TRPC6: variants seen among roughly 807,000 people sequenced by gnomAD.
TRPC6 encodes the protein transient receptor potential cation channel subfamily C member 6.
A neutral mutation model predicts 90.7 loss-of-function variants in TRPC6; 55 were observed. The observed-to-expected ratio is 0.61, with a 90% confidence interval of 0.49 to 0.76. The LOEUF (loss-of-function observed/expected upper bound fraction) is 0.76. Among genes scored for constraint, TRPC6 ranks in the 30% least tolerant of loss-of-function variants. The pLI, the probability that TRPC6 is intolerant of heterozygous loss-of-function variation, is 0.00. For synonymous variants in TRPC6, 393 were observed against 393.0 expected, an observed-to-expected ratio of 1.00 and a Z score of 0.00; for missense variants, 989 against 1,122.7, an observed-to-expected ratio of 0.88 and a Z score of 1.70.
intron 1 of TRPC6, among the ~76,000 whole-genome samples, chr11:101,545,193 T>C (rs1187802219): frequency 2.1e-5 from 3 of 144,342 alleles, no homozygotes; most frequent in African/African-American, 5.1e-5. Flanking sequence ...CAATTGTGGA[T>C]CAAAAATATT....
chr11:101,518,138 G>A (rs1483812750), intron 1 of TRPC6, among the ~76,000 whole-genome samples: 1 of 152,088 alleles, frequency 6.6e-6, no homozygotes, highest in Non-Finnish European at 1.5e-5. Context: ...CCAGATTTTT[G>A]CCACCATTTC....
At chr11:101,518,380 A>G (rs1028884806) in intron 1 of TRPC6, among the ~76,000 whole-genome samples, 2 of 152,220 alleles carry the variant, frequency 1.3e-5, no homozygotes, top group Non-Finnish European at 2.9e-5. Flanking sequence ...AAAAATAGGC[A>G]TAATATTTGA....
intron 1 of TRPC6, among the ~76,000 whole-genome samples, chr11:101,513,658 C>G (rs1860448971): frequency 6.6e-6 from 1 of 151,806 alleles, no homozygotes; most frequent in Non-Finnish European, 1.5e-5. Flanking sequence ...GCTTATTTTT[C>G]CCTTCTTTAA....
chr11:101,469,348 C>A (rs759251195), intron 10 of TRPC6, 79 bp downstream of exon 10: 2 of 706,384 alleles, frequency 2.8e-6, no homozygotes, highest in Non-Finnish European at 2.6e-6. Context: ...GCTAAAATTG[C>A]TTCTGAACAT....
chr11:101,527,925 T>C (rs1184013234), intron 1 of TRPC6, among the ~76,000 whole-genome samples: 2 of 151,982 alleles, frequency 1.3e-5, no homozygotes, highest in African/African-American at 4.8e-5. Flanking sequence ...TTAAAAAAAT[T>C]AGCTGGGCAT....
Position 101,471,254 on chromosome 11 carries a change from GCTTCAGTAAGAGATAAAACAGGGA to G in TRPC6, c.2314_2337del (p.Ser772_Lys779del). On this transcript the variant is annotated inframe_deletion, in exon 9 of 13. Transcript: ENST00000344327. ...AACAGCTCAGAAATCCATTTTTTAA[GCTTCAGTAAGAGATAAAACAGGGA>G]CTTTGGACTCGGCACCAGATTGAAG... is the stretch of plus-strand genomic sequence containing the variant. 1 of 1,613,924 alleles carries G rather than the reference GCTTCAGTAAGAGATAAAACAGGGA, an allele frequency of 6.2e-7. No individual in the cohort carries two copies. The highest frequency in any genetic ancestry group is 8.5e-7 in the Non-Finnish European group (1 of 1,179,882).
intron 1 of TRPC6, among the ~76,000 whole-genome samples, chr11:101,570,091 T>C (rs951161684): frequency 3.9e-5 from 6 of 152,092 alleles, no homozygotes; most frequent in Non-Finnish European, 7.4e-5. Flanking sequence ...GGAACTGGCT[T>C]TTTGTAAAGA....
intron 1 of TRPC6, among the ~76,000 whole-genome samples, chr11:101,523,557 C>T (rs1860708460): frequency 1.3e-5 from 2 of 152,098 alleles, no homozygotes; most frequent in Non-Finnish European, 1.5e-5. Context: ...TTACACTAAA[C>T]TTTGTAGACT....
Position 101,467,405 on chromosome 11 carries a change from C to T in TRPC6, c.2484+2022G>A, listed in dbSNP as rs75794891. ...CAATAAAAATAATAAATAGCTATTA[C>T]ATACCCACTATGTGCCAGGCCCTGT... On this transcript the variant is annotated intron_variant, in intron 10 of 12. Transcript: ENST00000344327. 3.5e-3 allele frequency among the ~76,000 whole-genome samples: 526 copies of T among 152,270 alleles called. 22 individuals are homozygous for T. The East Asian group carries it at 0.092, about 27-fold the overall frequency.
chr11:101,555,715 C>G lies in TRPC6; in HGVS notation c.170+27619G>C, dbSNP rs185081019. Among the ~76,000 whole-genome samples, 13 of 152,136 alleles carry G rather than the reference C, an allele frequency of 8.5e-5. No individual in the cohort carries two copies. The East Asian group carries it at 2.5e-3, about 29-fold the overall frequency. On this transcript the variant is annotated intron_variant, in intron 1 of 12. Coordinates refer to ENST00000344327, the MANE Select transcript of TRPC6 (RefSeq NM_004621.6). ...ATATTTGTGTTTATGGTGGACTGTA[C>G]CAGATTTCTATGAGAACTAGTCATT... is the stretch of plus-strand genomic sequence containing the variant.
intron 1 of TRPC6, among the ~76,000 whole-genome samples, chr11:101,521,541 C>A (rs1218365012): frequency 1.3e-5 from 2 of 152,166 alleles, no homozygotes; most frequent in Non-Finnish European, 2.9e-5. Flanking sequence ...AGGTTGGAGC[C>A]CCCACACTGA....
intron 10 of TRPC6, among the ~76,000 whole-genome samples, chr11:101,464,633 C>G (rs1402536191): frequency 1.3e-5 from 2 of 151,778 alleles, no homozygotes. Context: ...TTCTTGCTTT[C>G]CATTTGCTTG....
intron 1 of TRPC6, among the ~76,000 whole-genome samples, chr11:101,516,477 A>C (rs1486557045): frequency 6.6e-6 from 1 of 152,006 alleles, no homozygotes; most frequent in Non-Finnish European, 1.5e-5. Flanking sequence ...CCAACGACCA[A>C]CCATTATCTG....
At chr11:101,500,283 G>A (rs1001040978) in intron 2 of TRPC6, among the ~76,000 whole-genome samples, 7 of 142,794 alleles carry the variant, frequency 4.9e-5, no homozygotes, top group South Asian at 2.2e-4. Context: ...ATCTCAGTTC[G>A]CTGCAACCTC....
chr11:101,564,778 AAAAC>A (rs1861793167), intron 1 of TRPC6, among the ~76,000 whole-genome samples: 1 of 152,176 alleles, frequency 6.6e-6, no homozygotes, highest in Non-Finnish European at 1.5e-5. Context: ...TTGAGAAAGA[AAAAC>A]AAAGTTGGAG....
chr11:101,583,924 A>T lies in TRPC6; in HGVS notation c.-421T>A, dbSNP rs1862262936. Reference sequence around the variant, plus strand: ...TTCATCCCCCGCACTCTCCGTCAAGATCCCCACCTTTAAAGGGATCCGAGC... The same window carrying T: ...TTCATCCCCCGCACTCTCCGTCAAGTTCCCCACCTTTAAAGGGATCCGAGC... On this transcript the variant is annotated 5_prime_UTR_variant, in exon 1 of 13. Transcript: ENST00000344327. The T allele has an allele frequency of 6.0e-6, 1 of 165,916 alleles. No homozygotes were observed. Among genetic ancestry groups the T allele is most frequent in the African/African-American group, 2.4e-5 (1 of 42,050 alleles). The allele number at this position is 165,916 out of a possible 1,614,324, so 10.3% of individuals were successfully genotyped here. A position where few individuals can be genotyped will look rare whatever the true frequency, so the allele number is the denominator to read the frequency against.
chr11:101,478,829 G>C (rs2136683184), intron 5 of TRPC6, among the ~76,000 whole-genome samples: 1 of 152,224 alleles, frequency 6.6e-6, no homozygotes, highest in African/African-American at 2.4e-5. Flanking sequence ...TTGCCCTCTA[G>C]ACAGGTAGCA....
Position 101,454,969 on chromosome 11 carries a change from C to T in TRPC6, c.2568+49G>A. On this transcript the variant is annotated intron_variant, in intron 11 of 12. Coordinates refer to ENST00000344327, the MANE Select transcript of TRPC6 (RefSeq NM_004621.6). ...TTAAAGAATCACATAGTTCAAGAAC[C>T]TAAATATTACAAGTAACTAGTTTTA... The T allele has an allele frequency of 2.7e-6, 4 of 1,457,670 alleles. No homozygotes were observed. In the South Asian group the frequency reaches 3.5e-5, roughly 13 times the overall value. 90.3% of individuals were successfully genotyped at this position (1,457,670 alleles called of 1,614,324 possible). A position where few individuals can be genotyped will look rare whatever the true frequency, so the allele number is the denominator to read the frequency against.
At chr11:101,491,834 TTC>T (rs374169632) in intron 2 of TRPC6, 96 bp from the exon 3 acceptor site, 445 of 815,592 alleles carry the variant, frequency 5.5e-4, no homozygotes, top group Admixed American at 6.2e-4. Flanking sequence ...AAGAGAAACA[TTC>T]TTTTTTTTTT....
Sources: gnomAD v4.1 joint callset for allele counts (sites outside exome capture counted in the v4.1 genomes callset) on GRCh38, gnomAD v4.1.1 for gene constraint, MANE v1.5 for transcripts, NCBI Gene and HGNC (gene_info 2026-07-23, HGNC 2026-07-21) for gene names.